Variants in ACOT7 observed in about 807,000 individuals in gnomAD.
ACOT7 encodes cytosolic acyl coenzyme A thioester hydrolase.
Under a neutral mutation model 40.2 loss-of-function variants are expected in ACOT7, and 12 were observed. The observed-to-expected ratio is 0.30, with a 90% CI of 0.19 to 0.48. The LOEUF (loss-of-function observed/expected upper bound fraction) is 0.48, where lower values mean the gene tolerates loss of function less well. Ranked by LOEUF, ACOT7 falls within the 20% of genes least tolerant of loss-of-function variation. The probability of loss-of-function intolerance (pLI) is 0.99; values close to 1 mark genes in which losing one functional copy is unlikely to be tolerated. For missense variants in ACOT7, 395 were observed against 530.8 expected (o/e 0.74, Z 2.51); for synonymous variants, 228 against 219.5 (o/e 1.04, Z -0.34).
intron 4 of ACOT7, among the ~76,000 whole-genome samples, chr1:6,331,268 G>A (rs1378906232): frequency 2.0e-5 from 3 of 152,200 alleles, no homozygotes; most frequent in African/African-American, 7.2e-5. Context: ...CAAAAACCAG[G>A]TCTTTGTAGT....
rs1218630561 is a variant in ACOT7, at chr1:6,274,129, G to A, written c.1014+6973C>T. Among the ~76,000 whole-genome samples, 1 of 152,166 alleles carries A rather than the reference G, an allele frequency of 6.6e-6. No homozygotes were observed. Among genetic ancestry groups the A allele is most frequent in the Non-Finnish European group, 1.5e-5 (1 of 68,014 alleles). On this transcript the variant is annotated intron_variant, in intron 8 of 8. Transcript: ENST00000361521. The surrounding 1 kb of genome is among the most constrained non-coding windows in gnomAD (Gnocchi z 5.9). ...GGGGGTCAGGCAGGTCCTGGGGGTG[G>A]GGAGCAGCAGGCACCATCATGGAAA...
chr1:6,317,236 G>A (rs774870947), intron 6 of ACOT7, among the ~76,000 whole-genome samples: 6 of 152,060 alleles, frequency 3.9e-5, no homozygotes, highest in Non-Finnish European at 8.8e-5. Context: ...TCTCCTTGAC[G>A]TTTTTCTTCA....
chr1:6,368,302 C>T (rs1039391529), intron 1 of ACOT7, among the ~76,000 whole-genome samples: 3 of 152,200 alleles, frequency 2.0e-5, no homozygotes, highest in Non-Finnish European at 2.9e-5. Flanking sequence ...CCTCCCATGC[C>T]TGTTGGTGCC....
intron 1 of ACOT7, among the ~76,000 whole-genome samples, chr1:6,384,583 C>G (rs984731699): frequency 6.6e-6 from 1 of 151,934 alleles, no homozygotes; most frequent in Non-Finnish European, 1.5e-5. Context: ...CTCTCCGACA[C>G]TAGGTGGGTG....
intron 1 of ACOT7, among the ~76,000 whole-genome samples, chr1:6,383,174 C>T (rs1010879822): frequency 4.0e-5 from 6 of 151,152 alleles, no homozygotes; most frequent in Non-Finnish European, 5.9e-5. Context: ...CCACCATGCC[C>T]GGCTAAGATG....
intron 7 of ACOT7, among the ~76,000 whole-genome samples, 157 bp from the exon 8 acceptor site, chr1:6,281,443 C>T (rs541229057): frequency 2.0e-5 from 3 of 152,324 alleles, no homozygotes; most frequent in African/African-American, 4.8e-5. Context: ...TAGAATGTGT[C>T]GTTAGTTGCC....
rs951399767 is a variant in ACOT7 at position 6,352,965 on chromosome 1, G to A, written c.144-3099C>T. 2.6e-5 allele frequency among the ~76,000 whole-genome samples: 4 copies of A among 152,028 alleles called. No individual in the cohort carries two copies. The highest frequency in any genetic ancestry group is 7.3e-5 in the African/African-American group (3 of 41,368). ...ATGATCTTGGCTCACTGCAAACTCC[G>A]TCTCCTGGGTTCAAGCGATTCCCCT... On this transcript the variant is annotated intron_variant, in intron 1 of 8. Coordinates refer to ENST00000361521, the MANE Select transcript of ACOT7 (RefSeq NM_007274.4). This position sits in a 1 kb window ranked among gnomAD's most constrained non-coding sequence, Gnocchi z 4.5.
Position 6,322,779 on chromosome 1 carries a change from T to C in ACOT7, c.626-4201A>G, listed in dbSNP as rs559239740. 1.1e-4 allele frequency among the ~76,000 whole-genome samples: 17 copies of C among 152,264 alleles called. No homozygotes were observed. In the South Asian group the frequency reaches 3.5e-3, roughly 32 times the overall value. The stretch of plus-strand genomic sequence containing the variant: ...GGGACTCAGGGTCAGGACCTCAACA[T>C]ATGATTTGTGGTGACACAATTTAGC... On this transcript the variant is annotated intron_variant, in intron 5 of 8. Coordinates refer to ENST00000361521, the MANE Select transcript of ACOT7 (RefSeq NM_007274.4).
chr1:6,337,758 T>G (rs1352791203), intron 3 of ACOT7, among the ~76,000 whole-genome samples: 1 of 152,162 alleles, frequency 6.6e-6, no homozygotes, highest in East Asian at 1.9e-4. Context: ...CTGGATCACC[T>G]GAGGTCAGGA....
intron 2 of ACOT7, among the ~76,000 whole-genome samples, chr1:6,348,194 G>A (rs1404745454): frequency 6.6e-6 from 1 of 151,934 alleles, no homozygotes; most frequent in Non-Finnish European, 1.5e-5. Flanking sequence ...CCCAGCCAGC[G>A]AGCCCCTCCT....
chr1:6,285,580 C>T (rs946338000), intron 7 of ACOT7, among the ~76,000 whole-genome samples: 17 of 152,258 alleles, frequency 1.1e-4, no homozygotes, highest in African/African-American at 3.6e-4. Flanking sequence ...TCCAGGCTGC[C>T]GGCCAAATCA....
intron 7 of ACOT7, among the ~76,000 whole-genome samples, chr1:6,285,422 C>CTGCAAAAGG (rs1639474974): frequency 6.6e-6 from 1 of 152,260 alleles, no homozygotes; most frequent in South Asian, 2.1e-4. Context: ...CCCTTCCTCC[C>CTGCAAAAGG]TGCAAAAGGG....
intron 6 of ACOT7, among the ~76,000 whole-genome samples, chr1:6,302,362 C>A (rs1639996669): frequency 6.6e-6 from 1 of 152,130 alleles, no homozygotes; most frequent in Non-Finnish European, 1.5e-5. Flanking sequence ...AGGAGATAAC[C>A]TTTCTCGGGG....
intron 8 of ACOT7, among the ~76,000 whole-genome samples, chr1:6,268,787 C>T (rs952415911): frequency 2.3e-4 from 35 of 152,372 alleles, no homozygotes; most frequent in African/African-American, 8.2e-4. Context: ...GAGCGGAGCC[C>T]TCGAGTCCCC....
intron 1 of ACOT7, among the ~76,000 whole-genome samples, chr1:6,383,050 C>T (rs1347947178): frequency 4.1e-5 from 6 of 147,666 alleles, no homozygotes; most frequent in Non-Finnish European, 8.9e-5. Context: ...AGCTATTTTT[C>T]GTATTTGTAG....
Position 6,385,927 on chromosome 1 carries a change from A to G in ACOT7, c.143+7330T>C. 3.0e-6 allele frequency: 3 copies of G among 1,006,474 alleles called. No individual in the cohort carries two copies. The South Asian group carries it at 5.8e-5, about 19-fold the overall frequency. The allele number at this position is 1,006,474 out of a possible 1,614,324, so 62.3% of individuals were successfully genotyped here. A position where few individuals can be genotyped will look rare whatever the true frequency, so the allele number is the denominator to read the frequency against. On this transcript the variant is annotated intron_variant, in intron 1 of 8. Transcript: ENST00000361521. ...GGAATCCATGACTCGGCCTGAACTC[A>G]CAGACAGGGAAACAGGACAGGGCCA...
chr1:6,321,764 AGT>A (rs1175461346), intron 5 of ACOT7, among the ~76,000 whole-genome samples: 1 of 152,188 alleles, frequency 6.6e-6, no homozygotes, highest in African/African-American at 2.4e-5. Flanking sequence ...AGCCTCCCAA[AGT>A]GCTGGGATGA....
At chr1:6,272,795 C>A (rs1418875032) in intron 8 of ACOT7, among the ~76,000 whole-genome samples, 1 of 152,258 alleles carries the variant, frequency 6.6e-6, no homozygotes, top group East Asian at 1.9e-4. Flanking sequence ...CCTTTCCAGG[C>A]CTCCCTGACA....
rs200882850 is a variant in ACOT7 at position 6,393,403 on chromosome 1, G to A, written c.-4C>T. 24 of 1,228,674 alleles carry A rather than the reference G, an allele frequency of 2.0e-5. No homozygotes were observed. The East Asian group carries it at 7.7e-4, about 39-fold the overall frequency. The allele number at this position is 1,228,674 out of a possible 1,614,324, so 76.1% of individuals were successfully genotyped here. On this transcript the variant is annotated 5_prime_UTR_variant, in exon 1 of 9. Transcript: ENST00000361521. ...GAATGAGCCCGGGCCGCGCCATAAA[G>A]GGGGAGGGCAGAGGTGGAGCGATGG...
Sources: gnomAD v4.1 joint callset for allele counts (sites outside exome capture counted in the v4.1 genomes callset) on GRCh38, gnomAD v4.1.1 for gene constraint, Gnocchi (gnomAD v3.1) non-coding constraint, MANE v1.5 for transcripts, NCBI Gene and HGNC (gene_info 2026-07-23, HGNC 2026-07-21) for gene names.